The following TUSC3 variants were observed in gnomAD, a reference collection of about 807,000 sequenced individuals.
TUSC3 encodes tumor suppressor candidate 3, also known as dolichyl-diphosphooligosaccharide--protein glycosyltransferase subunit TUSC3.
TUSC3 carries 45 observed loss-of-function variants against 44.8 expected under a neutral mutation model. That is an observed-to-expected ratio of 1.00 (90% confidence interval 0.79 to 1.29). TUSC3 has a LOEUF of 1.29. Ranked by LOEUF, TUSC3 falls within the 50% of genes most tolerant of loss-of-function variation. The pLI, the probability that TUSC3 is intolerant of heterozygous loss-of-function variation, is 0.00. For missense variants in TUSC3, 519 were observed against 437.9 expected, an observed-to-expected ratio of 1.19 and a Z score of -1.65; for synonymous variants, 212 against 152.9, an observed-to-expected ratio of 1.39 and a Z score of -2.85.
At chr8:15,641,196 C>G (rs936426786) in intron 2 of TUSC3, among the ~76,000 whole-genome samples, 1 of 151,202 alleles carries the variant, frequency 6.6e-6, no homozygotes, top group African/African-American at 2.4e-5. Context: ...CCTGTCTCTA[C>G]CAGAAATAGA....
chr8:15,538,795 TC>T (rs1467388605), upstream of TUSC3, among the ~76,000 whole-genome samples: 1 of 151,964 alleles, frequency 6.6e-6, no homozygotes, highest in Non-Finnish European at 1.5e-5. Flanking sequence ...GTTGCAGATA[TC>T]TTGAACAATT....
chr8:15,460,353 A>G (rs1800328143), intron 1 of TUSC3, among the ~76,000 whole-genome samples: 1 of 152,028 alleles, frequency 6.6e-6, no homozygotes, highest in Non-Finnish European at 1.5e-5. Context: ...AGAATTACCT[A>G]TTCATGTTAT....
intron 1 of TUSC3, among the ~76,000 whole-genome samples, chr8:15,452,069 C>T (rs998320450): frequency 2.0e-5 from 3 of 152,152 alleles, no homozygotes; most frequent in African/African-American, 7.2e-5. Flanking sequence ...GCCTGGCTCC[C>T]TCCAACTCCT....
intron 9 of TUSC3, chr8:15,748,800 CAT>C (rs1315134873): frequency 2.0e-6 from 1 of 509,704 alleles, no homozygotes; most frequent in Non-Finnish European, 3.9e-6. Context: ...ATTGTTTTCT[CAT>C]ATAATTCACT....
At chr8:15,806,383 C>G in the TUSC3 span, 1 of 738,684 alleles carries the variant, frequency 1.4e-6, no homozygotes, top group South Asian at 1.3e-5. Context: ...AACTCTGCCT[C>G]CTTCTTCGCT....
intron 6 of TUSC3, among the ~76,000 whole-genome samples, chr8:15,723,914 T>C (rs1050257254): frequency 2.6e-5 from 4 of 152,180 alleles, no homozygotes; most frequent in African/African-American, 9.6e-5. Context: ...AAGTGCTATC[T>C]TATTCACTTA....
At chr8:15,478,601 A>G (rs1390751939) in intron 1 of TUSC3, among the ~76,000 whole-genome samples, 1 of 152,182 alleles carries the variant, frequency 6.6e-6, no homozygotes, top group African/African-American at 2.4e-5. Flanking sequence ...TGAAAAGGAC[A>G]TGATCTCATT....
At chr8:15,807,136 G>T in the TUSC3 span, 1 of 999,840 alleles carries the variant, frequency 1.0e-6, no homozygotes, top group Non-Finnish European at 1.6e-6. Context: ...CACCTTTCAA[G>T]TCCACTTGGC....
At chr8:15,760,429 T>A (rs1253833504) in intron 10 of TUSC3, among the ~76,000 whole-genome samples, 2 of 152,198 alleles carry the variant, frequency 1.3e-5, no homozygotes, top group Admixed American at 1.3e-4. Context: ...ATGTATGAAT[T>A]GCCACAACTA....
At chr8:15,488,039 C>T (rs761968946) in intron 2 of TUSC3, among the ~76,000 whole-genome samples, 2 of 151,802 alleles carry the variant, frequency 1.3e-5, no homozygotes, top group African/African-American at 2.4e-5. Context: ...ATTTTCTAAG[C>T]ATCAGTTTCA....
chr8:15,590,759 C>T (rs1346944650), intron 1 of TUSC3, among the ~76,000 whole-genome samples: 2 of 151,754 alleles, frequency 1.3e-5, no homozygotes, highest in African/African-American at 2.4e-5. Context: ...GTTGCCTCTA[C>T]CTCCTGGGCT....
chr8:15,546,123 T>C (rs1484639765), intron 1 of TUSC3, among the ~76,000 whole-genome samples: 2 of 151,862 alleles, frequency 1.3e-5, no homozygotes, highest in Non-Finnish European at 1.5e-5. Context: ...TGCATGTGTG[T>C]ATGTGTGTAA....
chr8:15,652,315 T>C (rs1296346473), intron 3 of TUSC3, among the ~76,000 whole-genome samples: 1 of 152,186 alleles, frequency 6.6e-6, no homozygotes, highest in Non-Finnish European at 1.5e-5. Flanking sequence ...TTTTTACTTA[T>C]TTGCATCCAG....
In TUSC3 at chr8:15,588,523, G is replaced by A. The variant is rs566020212; in HGVS notation, c.139-34557G>A. Among the ~76,000 whole-genome samples the A allele has an allele frequency of 8.5e-5, 13 of 152,146 alleles. No individual in the cohort carries two copies. The East Asian group carries it at 2.3e-3, about 27-fold the overall frequency. ...ATTCTATGGGCTGTCTCTTCACTCT[G>A]TTGTTTCCTTTGCTGTTCAGAAGCT... is the stretch of plus-strand genomic sequence containing the variant. On this transcript the variant is annotated intron_variant, in intron 1 of 10. Transcript: ENST00000503731.
chr8:15,790,394 G>A, the TUSC3 span, among the ~76,000 whole-genome samples: 44,355 of 151,618 alleles, frequency 0.29, 6,889 homozygotes, highest in African/African-American at 0.4. Context: ...CATGTTGGCC[G>A]GGATGGTCTC....
At chr8:15,748,491 G>A in intron 9 of TUSC3, 26 bp downstream of exon 9, 1 of 1,521,046 alleles carries the variant, frequency 6.6e-7, no homozygotes, top group Non-Finnish European at 9.1e-7. Context: ...TAACATGAAT[G>A]TTTTTATTTT....
the TUSC3 span, chr8:15,807,352 C>CACA: frequency 2.4e-5 from 9 of 382,838 alleles, no homozygotes; most frequent in South Asian, 8.4e-5. Flanking sequence ...AGTCAACAAC[C>CACA]ACAACAACAA....
At chr8:15,733,987 T>G (rs891761356) in intron 7 of TUSC3, among the ~76,000 whole-genome samples, 1 of 152,176 alleles carries the variant, frequency 6.6e-6, no homozygotes, top group Non-Finnish European at 1.5e-5. Flanking sequence ...AAGGCTGCAG[T>G]GAGCTGTGCT....
chr8:15,424,176 AG>A (rs1206528997), intron 1 of TUSC3, among the ~76,000 whole-genome samples: 2 of 151,068 alleles, frequency 1.3e-5, no homozygotes, highest in East Asian at 2.0e-4. Context: ...TTTAGTATAG[AG>A]GGGGTTTCAC....
Sources: gnomAD v4.1 joint callset for allele counts (sites outside exome capture counted in the v4.1 genomes callset) on GRCh38, gnomAD v4.1.1 for gene constraint, MANE v1.5 for transcripts, NCBI Gene and HGNC (gene_info 2026-07-23, HGNC 2026-07-21) for gene names.